PTAR1: variants seen among roughly 807,000 people sequenced by gnomAD.
PTAR1 encodes the protein protein prenyltransferase alpha subunit repeat-containing protein 1.
A neutral mutation model predicts 45.5 loss-of-function variants in PTAR1; 17 were observed. The ratio of observed to expected loss-of-function variants is 0.37; its 90% CI spans 0.26 to 0.56. The LOEUF (loss-of-function observed/expected upper bound fraction) is 0.56, where lower values mean the gene tolerates loss of function less well. Among genes scored for constraint, PTAR1 ranks in the 20% least tolerant of loss-of-function variants. The pLI, the probability that PTAR1 is intolerant of heterozygous loss-of-function variation, is 0.77. For synonymous variants in PTAR1, 169 were observed against 171.3 expected, an observed-to-expected ratio of 0.99 and a Z score of 0.11; for missense variants, 391 against 476.3, an observed-to-expected ratio of 0.82 and a Z score of 1.67.
intron 3 of PTAR1, among the ~76,000 whole-genome samples, chr9:69,740,654 G>GA (rs11298970): frequency 4.0e-3 from 569 of 143,098 alleles, no homozygotes; most frequent in African/African-American, 0.013. Context: ...AAACAAAGGG[G>GA]AAAAAAAAAA....
intron 2 of PTAR1, among the ~76,000 whole-genome samples, chr9:69,745,288 A>C (rs1173143304): frequency 6.6e-6 from 1 of 152,246 alleles, no homozygotes; most frequent in African/African-American, 2.4e-5. Flanking sequence ...GTTACATGGA[A>C]AGGTTTGTAA....
At chr9:69,734,317 T>C (rs1356213639) in intron 3 of PTAR1, 63 bp from the exon 4 acceptor site, 3 of 708,824 alleles carry the variant, frequency 4.2e-6, no homozygotes, top group South Asian at 4.8e-5. Flanking sequence ...TATCCAAAGG[T>C]TCTACATGGC....
Position 69,720,902 on chromosome 9 carries a change from C to T in PTAR1, c.948-2218G>A, listed in dbSNP as rs190880302. ...AAGGATTCCTTCCAAAATATTACTG[C>T]GCATTGACTATGCACCTAGTCATGT... On this transcript the variant is annotated intron_variant, in intron 6 of 7. Transcript: ENST00000340434. Among the ~76,000 whole-genome samples the T allele has an allele frequency of 5.9e-5, 9 of 152,240 alleles. No homozygotes were observed. In the East Asian group the frequency reaches 1.5e-3, roughly 26 times the overall value.
chr9:69,759,752 A>T, intron 1 of PTAR1, 101 bp downstream of exon 1: 1 of 1,191,344 alleles, frequency 8.4e-7, no homozygotes, highest in Non-Finnish European at 1.1e-6. Flanking sequence ...CTCGTGGGCC[A>T]GGACCCGCTG....
intron 2 of PTAR1, among the ~76,000 whole-genome samples, chr9:69,742,423 A>G (rs1826082783): frequency 6.6e-6 from 1 of 152,082 alleles, no homozygotes; most frequent in Non-Finnish European, 1.5e-5. Flanking sequence ...ATATTGCTAG[A>G]GTATGTATTT....
intron 5 of PTAR1, among the ~76,000 whole-genome samples, chr9:69,726,607 T>G (rs1825292125): frequency 6.6e-6 from 1 of 151,988 alleles, no homozygotes; most frequent in Non-Finnish European, 1.5e-5. Flanking sequence ...AATGCTTATT[T>G]CCTAAATTCA....
chr9:69,710,940 T>C lies in PTAR1; in HGVS notation c.*7402A>G, dbSNP rs1443947514. On this transcript the variant is annotated 3_prime_UTR_variant, in exon 8 of 8. Coordinates refer to ENST00000340434, the MANE Select transcript of PTAR1 (RefSeq NM_001099666.2). Reference sequence around the variant, plus strand: ...AATTAACAGGCATGGTTAATTTTAATGGCAGAATATAGTAGCTGAGAACTT... The same window carrying C: ...AATTAACAGGCATGGTTAATTTTAACGGCAGAATATAGTAGCTGAGAACTT... The C allele has an allele frequency of 2.0e-5, 3 of 152,192 alleles. No homozygotes were observed. The highest frequency in any genetic ancestry group is 7.2e-5 in the African/African-American group (3 of 41,466). The allele number at this position is 152,192 out of a possible 1,614,324, so 9.4% of individuals were successfully genotyped here.
At position 69,717,291 on chromosome 9, in the gene PTAR1, ATT is replaced by A. The variant is rs1039768657; in HGVS notation, c.*1049_*1050del. Reference sequence around the variant, plus strand: ...ATCTATTTCTTTATATATTTCTCCCATTTGTCATAAGTGAATTTGAAATTAAA... The same window carrying A: ...ATCTATTTCTTTATATATTTCTCCCATGTCATAAGTGAATTTGAAATTAAA... On this transcript the variant is annotated 3_prime_UTR_variant, in exon 8 of 8. Transcript: ENST00000340434. The A allele has an allele frequency of 1.7e-4, 26 of 152,182 alleles. No individual in the cohort carries two copies. The highest frequency in any genetic ancestry group is 5.5e-4 in the African/African-American group (23 of 41,518). The allele number at this position is 152,182 out of a possible 1,614,324, so 9.4% of individuals were successfully genotyped here.
At chr9:69,739,418 TAA>T (rs397941927) in intron 3 of PTAR1, among the ~76,000 whole-genome samples, 1 of 145,286 alleles carries the variant, frequency 6.9e-6, no homozygotes, top group Admixed American at 6.9e-5. Context: ...CAGTTTTCTT[TAA>T]AAAAAAAAAA....
At chr9:69,759,741 G>A in intron 1 of PTAR1, 112 bp downstream of exon 1, 1 of 1,071,704 alleles carries the variant, frequency 9.3e-7, no homozygotes, top group Non-Finnish European at 1.3e-6. Context: ...CCCTAGAAGG[G>A]CTCGTGGGCC....
rs1325939702 is a variant in PTAR1, at chr9:69,718,135, G to A, written c.*207C>T. 2.1e-6 allele frequency: 1 copy of A among 473,616 alleles called. No homozygotes were observed. The highest frequency in any genetic ancestry group is 4.3e-5 in the South Asian group (1 of 23,276). 29.3% of individuals were successfully genotyped at this position (473,616 alleles called of 1,614,324 possible). A position where few individuals can be genotyped will look rare whatever the true frequency, so the allele number is the denominator to read the frequency against. The stretch of plus-strand genomic sequence containing the variant: ...AAATTTAAGACTCGCTGTTCAGCAG[G>A]AAGGAACTATACGATTATTTTATCC... On this transcript the variant is annotated 3_prime_UTR_variant, in exon 8 of 8. Coordinates refer to ENST00000340434, the MANE Select transcript of PTAR1 (RefSeq NM_001099666.2).
At chr9:69,723,804 C>T (rs1430884880) in intron 5 of PTAR1, among the ~76,000 whole-genome samples, 174 bp from the exon 6 acceptor site, 3 of 152,046 alleles carry the variant, frequency 2.0e-5, no homozygotes, top group East Asian at 1.9e-4. Flanking sequence ...TTAATACATG[C>T]GAATTTTCTC....
Position 69,759,739 on chromosome 9 carries a change from G to T in PTAR1, c.86+114C>A. ...ACACGGCTCTGCCTCCTCCCTAGAA[G>T]GGCTCGTGGGCCAGGACCCGCTGTC... On this transcript the variant is annotated intron_variant, in intron 1 of 7. Transcript: ENST00000340434. 1.2e-5 allele frequency: 13 copies of T among 1,044,274 alleles called. No individual in the cohort carries two copies. In the South Asian group the frequency reaches 1.9e-4, roughly 15 times the overall value. The allele number at this position is 1,044,274 out of a possible 1,614,324, so 64.7% of individuals were successfully genotyped here.
At chr9:69,742,963 T>C (rs1465216113) in intron 2 of PTAR1, among the ~76,000 whole-genome samples, 1 of 152,114 alleles carries the variant, frequency 6.6e-6, no homozygotes, top group Non-Finnish European at 1.5e-5. Context: ...ATATTGTCTT[T>C]GTCTTACTAA....
At chr9:69,746,253 C>A (rs957952274) in intron 2 of PTAR1, among the ~76,000 whole-genome samples, 2 of 152,336 alleles carry the variant, frequency 1.3e-5, no homozygotes, top group Non-Finnish European at 2.9e-5. Context: ...ATCCTCACAA[C>A]AACCCTCTGA....
intron 3 of PTAR1, among the ~76,000 whole-genome samples, chr9:69,734,944 T>C (rs1156257127): frequency 2.0e-5 from 3 of 152,198 alleles, no homozygotes; most frequent in Non-Finnish European, 4.4e-5. Context: ...GCTATGCTTT[T>C]CCCTTCTTGT....
chr9:69,724,153 T>C (rs1172886684), intron 5 of PTAR1, among the ~76,000 whole-genome samples: 1 of 152,208 alleles, frequency 6.6e-6, no homozygotes, highest in Non-Finnish European at 1.5e-5. Context: ...TCTTGCTCAC[T>C]ACTTAATTAT....
intron 5 of PTAR1, among the ~76,000 whole-genome samples, chr9:69,725,069 C>G (rs748323683): frequency 1.3e-5 from 2 of 152,094 alleles, no homozygotes; most frequent in Non-Finnish European, 2.9e-5. Flanking sequence ...AAAAATCAAT[C>G]TTACATTTAT....
intron 1 of PTAR1, 46 bp downstream of exon 1, chr9:69,759,797 CCCCGCCCCCG>C: frequency 8.3e-7 from 1 of 1,203,144 alleles, no homozygotes; most frequent in Non-Finnish European, 1.1e-6. Flanking sequence ...GGACGCTTGG[CCCCGCCCCCG>C]CCCGCTCCCG....
Sources: gnomAD v4.1 joint callset for allele counts (sites outside exome capture counted in the v4.1 genomes callset) on GRCh38, gnomAD v4.1.1 for gene constraint, MANE v1.5 for transcripts, NCBI Gene and HGNC (gene_info 2026-07-23, HGNC 2026-07-21) for gene names.